The following LMAN2L variants were observed in gnomAD, a reference collection of about 807,000 sequenced individuals.
The protein encoded by LMAN2L is lectin, mannose binding 2 like.
A neutral mutation model predicts 44.3 loss-of-function variants in LMAN2L; 30 were observed. The observed-to-expected ratio is 0.68, with a 90% CI of 0.51 to 0.92. The LOEUF (loss-of-function observed/expected upper bound fraction) is 0.92. Among genes scored for constraint, LMAN2L ranks in the 40% least tolerant of loss-of-function variants. LMAN2L has a pLI of 0.00. For synonymous variants in LMAN2L, 183 were observed against 171.1 expected (o/e 1.07, Z -0.54); for missense variants, 429 against 446.1 (o/e 0.96, Z 0.35).
rs1167371629 is a variant in LMAN2L at position 96,707,234 on chromosome 2, A to G, written c.*22T>C. 1.2e-6 allele frequency: 2 copies of G among 1,611,824 alleles called. No individual in the cohort carries two copies. Among genetic ancestry groups the G allele is most frequent in the Admixed American group, 1.7e-5 (1 of 59,840 alleles). Reference sequence around the variant, plus strand: ...CCATACCTCATGGGTGACAGTCACAAAAGTGGTGGCAGCAGGAGGGCTCAG... The same window carrying G: ...CCATACCTCATGGGTGACAGTCACAGAAGTGGTGGCAGCAGGAGGGCTCAG... On this transcript the variant is annotated 3_prime_UTR_variant, in exon 8 of 8. Coordinates refer to ENST00000264963, the MANE Select transcript of LMAN2L (RefSeq NM_030805.4).
At chr2:96,727,235 G>A (rs920312316) in intron 4 of LMAN2L, among the ~76,000 whole-genome samples, 1 of 152,048 alleles carries the variant, frequency 6.6e-6, no homozygotes, top group Admixed American at 6.6e-5. Context: ...TTATCAAGAG[G>A]TATGAAATTT....
chr2:96,710,955 C>T (rs374646821), intron 6 of LMAN2L, among the ~76,000 whole-genome samples: 10 of 152,020 alleles, frequency 6.6e-5, no homozygotes, highest in African/African-American at 2.4e-4. Context: ...CGAGAAGCTA[C>T]GAATCAGGCA....
At chr2:96,731,079 GC>G (rs1005722727) in intron 4 of LMAN2L, among the ~76,000 whole-genome samples, 3 of 152,118 alleles carry the variant, frequency 2.0e-5, no homozygotes, top group African/African-American at 4.8e-5. Flanking sequence ...CCTGGAAGAA[GC>G]CTTCCCCACT....
At chr2:96,737,047 TA>T in intron 2 of LMAN2L, 1 of 406,922 alleles carries the variant, frequency 2.5e-6, no homozygotes, top group Non-Finnish European at 4.8e-6. Flanking sequence ...CCAGAGAAAG[TA>T]TCAAAGGATG....
chr2:96,721,512 G>T (rs1054832882), intron 4 of LMAN2L, among the ~76,000 whole-genome samples: 1 of 145,586 alleles, frequency 6.9e-6, no homozygotes, highest in East Asian at 2.0e-4. Context: ...CTCCTACTTT[G>T]TTTTTTTTTT....
chr2:96,738,529 A>G (rs1187290013), intron 1 of LMAN2L, among the ~76,000 whole-genome samples: 1 of 151,996 alleles, frequency 6.6e-6, no homozygotes, highest in Non-Finnish European at 1.5e-5. Context: ...AAAAAAAATT[A>G]GCCAGGTGTG....
chr2:96,727,144 A>ATC (rs2078289280), intron 4 of LMAN2L, among the ~76,000 whole-genome samples: 3 of 152,218 alleles, frequency 2.0e-5, no homozygotes, highest in African/African-American at 7.2e-5. Context: ...ATATATATAT[A>ATC]TTAGCTGTGG....
chr2:96,729,338 A>G (rs1442530069), intron 4 of LMAN2L, among the ~76,000 whole-genome samples: 2 of 152,080 alleles, frequency 1.3e-5, no homozygotes, highest in African/African-American at 4.8e-5. Context: ...TTCACTTTAT[A>G]TCGACTATTA....
At chr2:96,716,816 A>C (rs1193594127) in intron 4 of LMAN2L, among the ~76,000 whole-genome samples, 2 of 152,204 alleles carry the variant, frequency 1.3e-5, no homozygotes, top group Non-Finnish European at 2.9e-5. Flanking sequence ...TGCTTTCAAT[A>C]TCTCTCAATA....
rs760562425 is a variant in LMAN2L, at chr2:96,712,021, A to T, written c.512T>A (p.Val171Glu). 2.5e-6 allele frequency: 4 copies of T among 1,614,012 alleles called. No homozygotes were observed. The African/African-American group carries it at 4.0e-5, about 16-fold the overall frequency. ...YPNEEKQQERVFPYISAMVNN... is the reference protein window; with the variant it reads ...YPNEEKQQEREFPYISAMVNN... The stretch of plus-strand genomic sequence containing the variant: ...CACCATGGCTGAGATGTAGGGGAAT[A>T]CCCGCTGGAAAGCAGAGAGGGGGAA... Residue 171 changes from valine to glutamate, a missense_variant, in exon 5 of 8, where the codon GTA becomes GAA. Physicochemically the swap from Val to Glu is moderately radical, Grantham distance 121. Coordinates refer to ENST00000264963, the MANE Select transcript of LMAN2L (RefSeq NM_030805.4).
chr2:96,708,639 C>T, intron 6 of LMAN2L, among the ~76,000 whole-genome samples: 1 of 151,876 alleles, frequency 6.6e-6, no homozygotes, highest in East Asian at 1.9e-4. Flanking sequence ...AGACCACACA[C>T]GTGCACACAC....
intron 4 of LMAN2L, among the ~76,000 whole-genome samples, chr2:96,728,178 T>C (rs565125314): frequency 6.6e-6 from 1 of 152,130 alleles, no homozygotes; most frequent in Non-Finnish European, 1.5e-5. Flanking sequence ...CTGGACTGAA[T>C]ATAAGATCTA....
At chr2:96,739,714 C>G (rs2078593455) in intron 1 of LMAN2L, 140 bp downstream of exon 1, 1 of 829,206 alleles carries the variant, frequency 1.2e-6, no homozygotes, top group African/African-American at 1.7e-5. Context: ...CTCCCAAACG[C>G]GGAGGGAGTC....
At chr2:96,731,374 C>A (rs1032710333) in intron 4 of LMAN2L, among the ~76,000 whole-genome samples, 2 of 152,186 alleles carry the variant, frequency 1.3e-5, no homozygotes, top group African/African-American at 4.8e-5. Flanking sequence ...GCTCGCTGGG[C>A]ACAGTGGCTC....
At chr2:96,738,351 G>A (rs756091817) in intron 1 of LMAN2L, among the ~76,000 whole-genome samples, 4 of 152,036 alleles carry the variant, frequency 2.6e-5, no homozygotes, top group African/African-American at 4.8e-5. Flanking sequence ...CTTCAGCATC[G>A]TAAAAGAAAA....
chr2:96,735,666 G>A (rs1355582871), intron 2 of LMAN2L, among the ~76,000 whole-genome samples: 8 of 152,132 alleles, frequency 5.3e-5, no homozygotes, highest in South Asian at 4.2e-4. Context: ...GTGAAACCCC[G>A]TCTCTACTAA....
intron 4 of LMAN2L, among the ~76,000 whole-genome samples, chr2:96,722,204 G>A (rs1252930714): frequency 2.6e-5 from 4 of 152,042 alleles, no homozygotes; most frequent in African/African-American, 9.6e-5. Context: ...TCCTGACCTC[G>A]TGATCCGCCC....
At position 96,733,529 on chromosome 2, in the gene LMAN2L, T is replaced by C; in HGVS notation, c.497A>G (p.Lys166Arg). Residue 166 changes from lysine (K) to arginine (R), a missense_variant, in exon 4 of 8, where the codon AAG (lysine) becomes AGG (arginine). Transcript: ENST00000264963. ...VFVDTYPNEE[K>R]QQERVFPYIS... ...GACACTTGCCATTACCTCTTGCTGCTTCTCCTCATTGGGGTAGGTGTCTAC... is the reference window on the plus strand; with the variant it reads ...GACACTTGCCATTACCTCTTGCTGCCTCTCCTCATTGGGGTAGGTGTCTAC... 2 of 1,613,752 alleles carry C rather than the reference T, an allele frequency of 1.2e-6. No homozygotes were observed. Among genetic ancestry groups the C allele is most frequent in the Non-Finnish European group, 1.7e-6 (2 of 1,179,702 alleles).
intron 4 of LMAN2L, among the ~76,000 whole-genome samples, chr2:96,728,898 C>T (rs745441482): frequency 1.1e-4 from 16 of 149,826 alleles, no homozygotes; most frequent in Non-Finnish European, 1.9e-4. Flanking sequence ...TAAGGCCAGG[C>T]GCAGTGGCTC....
Sources: gnomAD v4.1 joint callset for allele counts (sites outside exome capture counted in the v4.1 genomes callset) on GRCh38, gnomAD v4.1.1 for gene constraint, MANE v1.5 for transcripts, NCBI Gene and HGNC (gene_info 2026-07-23, HGNC 2026-07-21) for gene names.